The following MCUR1 variants were observed in gnomAD, a reference collection of about 807,000 sequenced individuals.
MCUR1 encodes the protein mitochondrial calcium uniporter regulator 1.
In MCUR1, 37 loss-of-function variants were observed where a neutral mutation model predicts 42.0. The ratio of observed to expected loss-of-function variants is 0.88; its 90% confidence interval spans 0.68 to 1.16. The LOEUF (loss-of-function observed/expected upper bound fraction) is 1.16, where lower values mean the gene tolerates loss of function less well. Among genes scored for constraint, MCUR1 ranks in the 50% most tolerant of loss-of-function variants. The pLI, the probability that MCUR1 is intolerant of heterozygous loss-of-function variation, is 0.00. For synonymous variants in MCUR1, 229 were observed against 196.2 expected (o/e 1.17, Z -1.40); for missense variants, 469 against 468.4 (o/e 1.00, Z -0.01).
At chr6:13,801,148 C>G in intron 4 of MCUR1, 140 bp downstream of exon 4, 3 of 638,274 alleles carry the variant, frequency 4.7e-6, no homozygotes, top group Non-Finnish European at 8.1e-6. Flanking sequence ...GGCAAGTTTT[C>G]CTGCTCGATC....
At chr6:13,808,191 G>T (rs941127017) in intron 1 of MCUR1, among the ~76,000 whole-genome samples, 1 of 152,122 alleles carries the variant, frequency 6.6e-6, no homozygotes, top group Non-Finnish European at 1.5e-5. Flanking sequence ...AGCACGAAGG[G>T]CCTGACCAGA....
Position 13,806,947 on chromosome 6 carries a change from T to A in MCUR1, c.513A>T (p.Leu171Phe). ...TACCATTGTCTTCCAGTAAGCACACTAAGGCATGAGTGTCGAAGTAGAGTT... is the reference window on the plus strand; with the variant it reads ...TACCATTGTCTTCCAGTAAGCACACAAAGGCATGAGTGTCGAAGTAGAGTT... The part of the protein sequence containing the change: ...SRKLYFDTHA[L>F]VCLLEDNGFA... The change falls in exon 2 of 9, where the codon TTA becomes TTT. Residue 171 changes from leucine (L) to phenylalanine (F), a missense_variant. Coordinates refer to ENST00000379170, the MANE Select transcript of MCUR1 (RefSeq NM_001031713.4). 1.9e-6 allele frequency: 3 copies of A among 1,612,268 alleles called. No homozygotes were observed. The highest frequency in any genetic ancestry group is 2.5e-6 in the Non-Finnish European group (3 of 1,178,684).
intron 1 of MCUR1, among the ~76,000 whole-genome samples, chr6:13,807,731 C>T (rs1364070169): frequency 6.6e-6 from 1 of 152,186 alleles, no homozygotes; most frequent in Non-Finnish European, 1.5e-5. Flanking sequence ...TACCATTTTA[C>T]ACTCCTTCTA....
chr6:13,804,814 A>AAAAAG (rs1230089057), intron 2 of MCUR1, among the ~76,000 whole-genome samples: 3 of 148,804 alleles, frequency 2.0e-5, no homozygotes, highest in African/African-American at 5.0e-5. Context: ...AAAAAAAAAA[A>AAAAAG]GTGGAAGTCT....
rs906657404 is a variant in MCUR1 at position 13,788,607 on chromosome 6, C to T, written c.*2202G>A. ...CCACACAAGGTTAGGTAATGTTTACCTTGAAACATAATCGCATATGGCCCT... is the reference window on the plus strand; with the variant it reads ...CCACACAAGGTTAGGTAATGTTTACTTTGAAACATAATCGCATATGGCCCT... On this transcript the variant is annotated 3_prime_UTR_variant, in exon 9 of 9. Transcript: ENST00000379170. 4 of 152,132 alleles carry T rather than the reference C, an allele frequency of 2.6e-5. No homozygotes were observed. Among genetic ancestry groups the T allele is most frequent in the Admixed American group, 6.6e-5 (1 of 15,262 alleles). The allele number at this position is 152,132 out of a possible 1,614,324, so 9.4% of individuals were successfully genotyped here.
At chr6:13,791,854 T>A (rs1281293559) in intron 8 of MCUR1, 24 bp downstream of exon 8, 5 of 1,522,394 alleles carry the variant, frequency 3.3e-6, no homozygotes, top group Admixed American at 1.7e-5. Flanking sequence ...TCAGGTTGAT[T>A]TAAATAGATA....
intron 3 of MCUR1, 74 bp downstream of exon 3, chr6:13,802,169 T>C: frequency 8.1e-7 from 1 of 1,232,912 alleles, no homozygotes; most frequent in Non-Finnish European, 1.2e-6. Context: ...TCCAAAAAAT[T>C]ATATTAAAAC....
chr6:13,786,632 T>C lies in MCUR1; in HGVS notation c.*4177A>G, dbSNP rs1759609218. 1 of 152,196 alleles carries C rather than the reference T, an allele frequency of 6.6e-6. No individual in the cohort carries two copies. The highest frequency in any genetic ancestry group is 2.4e-5 in the African/African-American group (1 of 41,462). The allele number at this position is 152,196 out of a possible 1,614,324, so 9.4% of individuals were successfully genotyped here. ...AGATTTACTTAGAAATTCACCAGTGTTATCATTATACAATTGGCTGGAATT... is the reference window on the plus strand; with the variant it reads ...AGATTTACTTAGAAATTCACCAGTGCTATCATTATACAATTGGCTGGAATT... On this transcript the variant is annotated 3_prime_UTR_variant, in exon 9 of 9. Transcript: ENST00000379170.
At position 13,786,784 on chromosome 6, in the gene MCUR1, AATTG is replaced by A. The variant is rs1412343700; in HGVS notation, c.*4021_*4024del. The stretch of plus-strand genomic sequence containing the variant: ...TACACTTTATTAGATAATAAAACAT[AATTG>A]ATATTTGCTTAAGTAACAAAAAAGT... On this transcript the variant is annotated 3_prime_UTR_variant, in exon 9 of 9. Coordinates refer to ENST00000379170, the MANE Select transcript of MCUR1 (RefSeq NM_001031713.4). 2 of 152,194 alleles carry A rather than the reference AATTG, an allele frequency of 1.3e-5. No homozygotes were observed. Among genetic ancestry groups the A allele is most frequent in the East Asian group, 3.8e-4 (2 of 5,206 alleles). The allele number at this position is 152,194 out of a possible 1,614,324, so 9.4% of individuals were successfully genotyped here. A position where few individuals can be genotyped will look rare whatever the true frequency, so the allele number is the denominator to read the frequency against.
intron 1 of MCUR1, among the ~76,000 whole-genome samples, chr6:13,813,310 T>C (rs1223661154): frequency 1.3e-5 from 2 of 152,214 alleles, no homozygotes; most frequent in Admixed American, 6.5e-5. Flanking sequence ...CTGATCACCC[T>C]ATTTAAATTC....
intron 2 of MCUR1, among the ~76,000 whole-genome samples, chr6:13,804,682 C>G (rs954102758): frequency 6.0e-5 from 9 of 149,958 alleles, no homozygotes; most frequent in East Asian, 2.0e-4. Context: ...CTTAGGTACT[C>G]GGAAGCCTGA....
Position 13,798,897 on chromosome 6 carries a change from A to C in MCUR1, c.791T>G (p.Val264Gly), listed in dbSNP as rs764070202. 2 of 1,588,004 alleles carry C rather than the reference A, an allele frequency of 1.3e-6. No homozygotes were observed. The highest frequency in any genetic ancestry group is 2.2e-5 in the South Asian group (2 of 90,202). The change falls in exon 6 of 9, where the codon GTG becomes GGG. Residue 264 changes from valine (V) to glycine (G), a missense_variant. Val to Gly is a moderately radical substitution (Grantham distance 109, BLOSUM62 -3). Coordinates refer to ENST00000379170, the MANE Select transcript of MCUR1 (RefSeq NM_001031713.4). ...TTTGGTATCTGTTCGGACTTTGATC[A>C]CTTCATCCTAAAAGGAGGGCAAACA... is the stretch of plus-strand genomic sequence containing the variant. ...HQLKQQVMDE[V>G]IKVRTDTKLD... is the part of the protein sequence containing the mutation.
Position 13,793,957 on chromosome 6 carries a change from A to G in MCUR1, c.856-10T>C. On this transcript the variant is annotated splice_polypyrimidine_tract_variant and intron_variant, in intron 6 of 8. Transcript: ENST00000379170. ...TTTCGTTCAATGAATACTGAAATAA[A>G]CACGTAACATGGGTCAGATTCTGAT... The G allele has an allele frequency of 1.2e-6, 2 of 1,613,032 alleles. No homozygotes were observed. Among genetic ancestry groups the G allele is most frequent in the African/African-American group, 2.7e-5 (2 of 74,988 alleles).
chr6:13,806,899 C>G lies in MCUR1; in HGVS notation c.535+26G>C, dbSNP rs1340664757. 3.8e-6 allele frequency: 6 copies of G among 1,560,200 alleles called. No individual in the cohort carries two copies. The African/African-American group carries it at 8.2e-5, about 21-fold the overall frequency. On this transcript the variant is annotated intron_variant, in intron 2 of 8. Transcript: ENST00000379170. Reference sequence around the variant, plus strand: ...TAATTTAAAGTGTTTTTCTAAGGCACTAAATGACGAATGACAGAGGATTAC... The same window carrying G: ...TAATTTAAAGTGTTTTTCTAAGGCAGTAAATGACGAATGACAGAGGATTAC...
At chr6:13,790,888 G>T in intron 8 of MCUR1, 24 bp from the exon 9 acceptor site, 1 of 1,554,998 alleles carries the variant, frequency 6.4e-7, no homozygotes, top group Non-Finnish European at 8.8e-7. Flanking sequence ...ACAATTGAGA[G>T]TACTATTAGT....
chr6:13,813,593 T>C (rs1760287241), intron 1 of MCUR1, among the ~76,000 whole-genome samples: 1 of 152,290 alleles, frequency 6.6e-6, no homozygotes, highest in East Asian at 1.9e-4. Context: ...CCATCAGAAT[T>C]TGAAATCAAA....
chr6:13,798,680 C>T (rs1037686983), intron 6 of MCUR1, among the ~76,000 whole-genome samples, 153 bp downstream of exon 6: 1 of 151,756 alleles, frequency 6.6e-6, no homozygotes, highest in Non-Finnish European at 1.5e-5. Context: ...AGTCTTAATC[C>T]AAAATTATTA....
intron 8 of MCUR1, 132 bp from the exon 9 acceptor site, chr6:13,790,996 A>G: frequency 3.4e-6 from 2 of 590,084 alleles, no homozygotes; most frequent in South Asian, 4.3e-5. Flanking sequence ...ATATTCCGTG[A>G]AACGCCTGCC....
intron 5 of MCUR1, 62 bp from the exon 6 acceptor site, chr6:13,798,966 G>T: frequency 1.0e-6 from 1 of 1,004,554 alleles, no homozygotes; most frequent in East Asian, 2.4e-5. Context: ...AACTCTATGA[G>T]GACGTGACAC....
Sources: allele counts gnomAD v4.1 joint callset (sites outside exome capture counted in the v4.1 genomes callset), GRCh38; gene constraint gnomAD v4.1.1; transcripts MANE v1.5; gene names NCBI Gene and HGNC (gene_info 2026-07-23, HGNC 2026-07-21).